The following XIAP variants were observed in gnomAD, a reference collection of about 807,000 sequenced individuals.
The protein encoded by XIAP is X-linked inhibitor of apoptosis.
A neutral mutation model predicts 33.1 loss-of-function variants in XIAP; 3 were observed. That is an observed-to-expected ratio of 0.09 (90% confidence interval 0.04 to 0.23). The LOEUF (loss-of-function observed/expected upper bound fraction) is 0.23, where lower values mean the gene tolerates loss of function less well. Among genes scored for constraint, XIAP ranks in the 10% least tolerant of loss-of-function variants. The pLI, the probability that XIAP is intolerant of heterozygous loss-of-function variation, is 1.00. For synonymous variants in XIAP, 98 were observed against 121.3 expected (o/e 0.81, Z 1.26); for missense variants, 264 against 363.0 (o/e 0.73, Z 2.22).
chrX:123,886,300 G>C lies in XIAP; in HGVS notation c.638G>C (p.Cys213Ser), dbSNP rs1042961591. ...CGGKLKNWEP[C>S]DRAWSEHRRH... Reference sequence around the variant, plus strand: ...GGAAAACTGAAAAATTGGGAACCTTGTGATCGTGCCTGGTCAGAACACAGG... The same window carrying C: ...GGAAAACTGAAAAATTGGGAACCTTCTGATCGTGCCTGGTCAGAACACAGG... The change falls in exon 2 of 7, where the codon TGT becomes TCT. Residue 213 changes from cysteine to serine, a missense_variant. Cys to Ser is a moderately radical substitution (Grantham distance 112). Coordinates refer to ENST00000371199, the MANE Select transcript of XIAP (RefSeq NM_001167.4). 1.7e-6 allele frequency: 2 copies of C among 1,210,560 alleles called. No individual in the cohort carries two copies. Among genetic ancestry groups the C allele is most frequent in the South Asian group, 1.8e-5 (1 of 56,884 alleles).
Position 123,907,261 on chromosome X carries a change from G to T in XIAP, c.*80G>T, listed in dbSNP as rs12838858. ...GATGTGAACTGACTTTAAGTAATCA[G>T]GATTGAATTCCATTAGCATTTGCTA... On this transcript the variant is annotated 3_prime_UTR_variant, in exon 7 of 7. Coordinates refer to ENST00000371199, the MANE Select transcript of XIAP (RefSeq NM_001167.4). 1.6e-5 allele frequency: 15 copies of T among 915,611 alleles called. No individual in the cohort carries two copies. The highest frequency in any genetic ancestry group is 2.5e-5 in the Admixed American group (1 of 40,229). The allele number at this position is 915,611 out of a possible 1,213,427, so 75.5% of individuals were successfully genotyped here. A position where few individuals can be genotyped will look rare whatever the true frequency, so the allele number is the denominator to read the frequency against.
At chrX:123,879,991 G>A (rs979994959) in intron 1 of XIAP, among the ~76,000 whole-genome samples, 20 of 110,479 alleles carry the variant, frequency 1.8e-4, no homozygotes, top group Non-Finnish European at 3.2e-4. Flanking sequence ...GCACGTGCCT[G>A]TAGTCCCAGC....
At position 123,908,814 on chromosome X, in the gene XIAP, T is replaced by C. The variant is rs1339310934; in HGVS notation, c.*1633T>C. ...AAACTAGAAGTTTAAAAATGCTTCA[T>C]AGAACGTCCAGGGTTTACATTACAA... On this transcript the variant is annotated 3_prime_UTR_variant, in exon 7 of 7. Coordinates refer to ENST00000371199, the MANE Select transcript of XIAP (RefSeq NM_001167.4). 1 of 346,948 alleles carries C rather than the reference T, an allele frequency of 2.9e-6. No homozygotes were observed. Among genetic ancestry groups the C allele is most frequent in the African/African-American group, 2.6e-5 (1 of 38,412 alleles). The allele number at this position is 346,948 out of a possible 1,213,427, so 28.6% of individuals were successfully genotyped here. A position where few individuals can be genotyped will look rare whatever the true frequency, so the allele number is the denominator to read the frequency against.
At chrX:123,901,994 G>A (rs1388397504) in intron 6 of XIAP, among the ~76,000 whole-genome samples, 3 of 111,224 alleles carry the variant, frequency 2.7e-5, no homozygotes, top group Admixed American at 9.6e-5. Context: ...CACCACGCCC[G>A]GCTAATTTTT....
chrX:123,871,397 T>C (rs141001873), intron 1 of XIAP, among the ~76,000 whole-genome samples: 11 of 112,951 alleles, frequency 9.7e-5, no homozygotes, highest in African/African-American at 3.2e-4. Flanking sequence ...CTAATCACTC[T>C]GTCAGAATAA....
chrX:123,906,907 T>C, intron 6 of XIAP, 81 bp from the exon 7 acceptor site: 1 of 1,123,482 alleles, frequency 8.9e-7, no homozygotes, highest in African/African-American at 1.8e-5. Context: ...TGGCACGTAG[T>C]AGGGGCTCAA....
chrX:123,866,911 G>A (rs945134739), intron 1 of XIAP, among the ~76,000 whole-genome samples: 2 of 108,202 alleles, frequency 1.8e-5, no homozygotes, highest in Admixed American at 1.0e-4. Context: ...TGATCTGCCC[G>A]CCTCGGCCTC....
At position 123,912,161 on chromosome X, in the gene XIAP, A is replaced by G. The variant is rs2053608079; in HGVS notation, c.*4980A>G. ...TCAATGCATATATAGCCAGCCCTTC[A>G]TATCTGTGGGTTTTGCATCCATGGA... On this transcript the variant is annotated 3_prime_UTR_variant, in exon 7 of 7. Transcript: ENST00000371199. 1 of 316,178 alleles carries G rather than the reference A, an allele frequency of 3.2e-6. No individual in the cohort carries two copies. Among genetic ancestry groups the G allele is most frequent in the South Asian group, 2.8e-5 (1 of 35,790 alleles). The allele number at this position is 316,178 out of a possible 1,213,427, so 26.1% of individuals were successfully genotyped here. A position where few individuals can be genotyped will look rare whatever the true frequency, so the allele number is the denominator to read the frequency against.
intron 4 of XIAP, among the ~76,000 whole-genome samples, chrX:123,892,111 A>G (rs1370541453): frequency 1.8e-5 from 2 of 111,742 alleles, no homozygotes; most frequent in Non-Finnish European, 3.8e-5. Flanking sequence ...CACGCCTGTA[A>G]TCCCAGCACT....
At position 123,894,994 on chromosome X, in the gene XIAP, A is replaced by G. The variant is rs189925973; in HGVS notation, c.1099+2221A>G. Among the ~76,000 whole-genome samples the G allele has an allele frequency of 1.7e-4, 18 of 106,591 alleles. No homozygotes were observed. The Admixed American group carries it at 1.9e-3, about 11-fold the overall frequency. The allele number at this position is 106,591 out of a possible 115,157, so 92.6% of individuals were successfully genotyped here. A position where few individuals can be genotyped will look rare whatever the true frequency, so the allele number is the denominator to read the frequency against. The stretch of plus-strand genomic sequence containing the variant: ...TAAATAAATAAATAAATAAATAAAT[A>G]AAACATAAATTCAGCTCCATGACTG... On this transcript the variant is annotated intron_variant, in intron 5 of 6. Transcript: ENST00000371199.
chrX:123,901,935 C>T lies in XIAP; in HGVS notation c.1300+1242C>T, dbSNP rs756271899. On this transcript the variant is annotated intron_variant, in intron 6 of 6. Coordinates refer to ENST00000371199, the MANE Select transcript of XIAP (RefSeq NM_001167.4). ...GCAACCTCCGCCTCCCCAGCTCAAG[C>T]GATTCTCCTGCCTCACCCTCCCGAG... Among the ~76,000 whole-genome samples, 154 of 111,472 alleles carry T rather than the reference C, an allele frequency of 1.4e-3. 1 individual carries two copies. The highest frequency in any genetic ancestry group is 4.5e-3 in the African/African-American group (137 of 30,727).
intron 5 of XIAP, among the ~76,000 whole-genome samples, chrX:123,899,275 G>A (rs1461077217): frequency 2.2e-5 from 2 of 89,778 alleles, no homozygotes; most frequent in African/African-American, 8.3e-5. Context: ...ATATGATTTT[G>A]TATATATATA....
intron 1 of XIAP, among the ~76,000 whole-genome samples, chrX:123,872,095 A>G (rs2053199418): frequency 9.0e-6 from 1 of 110,951 alleles, no homozygotes. Context: ...GCGAGACTCC[A>G]TCTCATAGTA....
At chrX:123,899,524 C>T (rs1474579667) in intron 5 of XIAP, among the ~76,000 whole-genome samples, 1 of 108,275 alleles carries the variant, frequency 9.2e-6, no homozygotes, top group Non-Finnish European at 1.9e-5. Context: ...TGCTCCTTCC[C>T]CATCAGTACC....
At chrX:123,864,221 T>A (rs1051885038) in intron 1 of XIAP, among the ~76,000 whole-genome samples, 1 of 107,001 alleles carries the variant, frequency 9.3e-6, no homozygotes, top group East Asian at 2.8e-4. Flanking sequence ...ATTGTAAACA[T>A]TAATTTCTTT....
intron 1 of XIAP, among the ~76,000 whole-genome samples, chrX:123,871,394 C>G (rs1192171659): frequency 8.9e-6 from 1 of 112,781 alleles, no homozygotes; most frequent in African/African-American, 3.2e-5. Flanking sequence ...TTTCTAATCA[C>G]TCTGTCAGAA....
At chrX:123,859,763 CG>C (rs1210455491), upstream of XIAP, 4 of 96,791 alleles carry the variant, frequency 4.1e-5, no homozygotes, top group African/African-American at 2.7e-4. Context: ...TCCAGCCGGG[CG>C]GGGGGGTCGG....
chrX:123,865,562 A>C, intron 1 of XIAP, among the ~76,000 whole-genome samples: 1 of 107,501 alleles, frequency 9.3e-6, no homozygotes, highest in Non-Finnish European at 1.9e-5. Flanking sequence ...AAAAAAAAAA[A>C]AAATACAAAA....
Position 123,912,690 on chromosome X carries a change from T to C in XIAP, c.*5509T>C, listed in dbSNP as rs766452796. The C allele has an allele frequency of 3.1e-6, 1 of 323,257 alleles. No homozygotes were observed. The highest frequency in any genetic ancestry group is 2.7e-5 in the South Asian group (1 of 36,874). 26.6% of individuals were successfully genotyped at this position (323,257 alleles called of 1,213,427 possible). A position where few individuals can be genotyped will look rare whatever the true frequency, so the allele number is the denominator to read the frequency against. Reference sequence around the variant, plus strand: ...CATACATTATATGCAAATACTGTTTTTTTTTTTTTTAATTTAAACAGTCTC... The same window carrying C: ...CATACATTATATGCAAATACTGTTTCTTTTTTTTTTAATTTAAACAGTCTC... On this transcript the variant is annotated 3_prime_UTR_variant, in exon 7 of 7. Transcript: ENST00000371199.
Sources: allele counts gnomAD v4.1 joint callset (sites outside exome capture counted in the v4.1 genomes callset), GRCh38; gene constraint gnomAD v4.1.1; transcripts MANE v1.5; gene names NCBI Gene and HGNC (gene_info 2026-07-23, HGNC 2026-07-21).